Variants in CEP128 observed in about 807,000 individuals in gnomAD.
CEP128 encodes the protein centrosomal protein 128kDa.
Under a neutral mutation model 156.7 loss-of-function variants are expected in CEP128, and 132 were observed. The ratio of observed to expected loss-of-function variants is 0.84; its 90% CI spans 0.73 to 0.97. The LOEUF (loss-of-function observed/expected upper bound fraction) is 0.97. Among genes scored for constraint, CEP128 ranks in the 50% least tolerant of loss-of-function variants. The probability of loss-of-function intolerance (pLI) is 0.00; values close to 1 mark genes in which losing one functional copy is unlikely to be tolerated. For synonymous variants in CEP128, 469 were observed against 448.9 expected (o/e 1.04, Z -0.57); for missense variants, 1,252 against 1,281.9 (o/e 0.98, Z 0.36).
chr14:80,841,772 T>A (rs947314562), intron 9 of CEP128, among the ~76,000 whole-genome samples: 2 of 152,010 alleles, frequency 1.3e-5, no homozygotes, highest in African/African-American at 4.8e-5. Flanking sequence ...TCTTAACAAC[T>A]GAGGGCACTG....
chr14:80,761,571 C>G lies in CEP128; in HGVS notation c.2419G>C (p.Glu807Gln), dbSNP rs377022081. The G allele has an allele frequency of 1.2e-6, 2 of 1,611,684 alleles. No homozygotes were observed. The highest frequency in any genetic ancestry group is 2.7e-5 in the African/African-American group (2 of 74,894). ...TCCTTGAGCTGCAATCTGGCCTCTT[C>G]CATCCTCCTTAAGTGCTCCTCTTCA... ...SIEEEHLRRMEEARLQLKDQL... is the reference protein window; with the variant it reads ...SIEEEHLRRMQEARLQLKDQL... Residue 807 changes from glutamate to glutamine, a missense_variant, in exon 17 of 25, where the codon GAA (glutamate) becomes CAA (glutamine). Glu to Gln is a conservative substitution (Grantham distance 29). Coordinates refer to ENST00000555265, the MANE Select transcript of CEP128 (RefSeq NM_152446.5).
intron 19 of CEP128, among the ~76,000 whole-genome samples, chr14:80,590,333 A>T (rs1891997361): frequency 6.6e-6 from 1 of 152,188 alleles, no homozygotes; most frequent in Non-Finnish European, 1.5e-5. Context: ...ACCAAAGGAA[A>T]AGAACAAGTC....
At chr14:80,600,842 A>C (rs1892550597) in intron 19 of CEP128, among the ~76,000 whole-genome samples, 1 of 152,158 alleles carries the variant, frequency 6.6e-6, no homozygotes, top group Admixed American at 6.5e-5. Context: ...TATATGATAT[A>C]ATCTGTATCA....
At chr14:80,674,344 A>AT (rs1322453260) in intron 19 of CEP128, among the ~76,000 whole-genome samples, 2 of 152,128 alleles carry the variant, frequency 1.3e-5, no homozygotes, top group African/African-American at 4.8e-5. Context: ...CATCATTCTT[A>AT]TTATAGAGAT....
chr14:80,495,792 T>C (rs1222269519), downstream of CEP128, among the ~76,000 whole-genome samples: 1 of 152,198 alleles, frequency 6.6e-6, no homozygotes, highest in Admixed American at 6.5e-5. Context: ...CATTTATCCA[T>C]AGGATTTAAA....
At chr14:80,786,881 G>A (rs978114433) in intron 14 of CEP128, among the ~76,000 whole-genome samples, 4 of 152,136 alleles carry the variant, frequency 2.6e-5, no homozygotes, top group Admixed American at 1.3e-4. Flanking sequence ...GCTCAGGCGG[G>A]AAGATAGCTT....
At chr14:80,624,297 A>G (rs932832253) in intron 19 of CEP128, among the ~76,000 whole-genome samples, 3 of 152,096 alleles carry the variant, frequency 2.0e-5, no homozygotes, top group African/African-American at 7.2e-5. Context: ...TTGTGCATAT[A>G]TAACACATTT....
At chr14:80,857,753 C>CAA (rs1375843689) in intron 9 of CEP128, among the ~76,000 whole-genome samples, 4 of 123,044 alleles carry the variant, frequency 3.3e-5, no homozygotes, top group South Asian at 2.5e-4. Context: ...ACAACAACAA[C>CAA]AACAACAACA....
At chr14:80,894,383 C>T (rs1396857234) in intron 8 of CEP128, among the ~76,000 whole-genome samples, 1 of 151,876 alleles carries the variant, frequency 6.6e-6, no homozygotes, top group African/African-American at 2.4e-5. Flanking sequence ...GGCAATAGCA[C>T]AGATTTCGTA....
intron 19 of CEP128, among the ~76,000 whole-genome samples, chr14:80,677,828 T>G (rs1427026533): frequency 6.6e-6 from 1 of 151,908 alleles, no homozygotes; most frequent in Non-Finnish European, 1.5e-5. Flanking sequence ...TAGATTGGCA[T>G]TAAAACAAGA....
intron 9 of CEP128, among the ~76,000 whole-genome samples, chr14:80,856,748 T>G (rs1887193029): frequency 8.7e-6 from 1 of 115,312 alleles, no homozygotes; most frequent in African/African-American, 3.5e-5. Context: ...TTTTTTTTTT[T>G]GAGACAGGGT....
At chr14:80,830,902 T>G in intron 13 of CEP128, 1 of 417,470 alleles carries the variant, frequency 2.4e-6, no homozygotes, top group Non-Finnish European at 4.2e-6. Context: ...AGTAAAGGAT[T>G]TCTCTGTAAA....
chr14:80,666,076 G>A (rs1165217456), intron 19 of CEP128, among the ~76,000 whole-genome samples: 1 of 152,160 alleles, frequency 6.6e-6, no homozygotes, highest in Non-Finnish European at 1.5e-5. Context: ...ACAACCACCA[G>A]GGTAGTTAAT....
intron 13 of CEP128, chr14:80,830,537 T>C (rs2140040900): frequency 8.6e-6 from 2 of 233,356 alleles, no homozygotes; most frequent in Non-Finnish European, 1.7e-5. Flanking sequence ...TTATGAGGTC[T>C]TTTCCTTTGA....
chr14:80,613,876 A>G (rs1230729273), intron 19 of CEP128, among the ~76,000 whole-genome samples: 4 of 152,214 alleles, frequency 2.6e-5, no homozygotes, highest in African/African-American at 9.6e-5. Flanking sequence ...TGGGCAGGTT[A>G]TATGGAAATA....
chr14:80,568,633 C>T (rs1208528186), intron 20 of CEP128, among the ~76,000 whole-genome samples: 1 of 152,100 alleles, frequency 6.6e-6, no homozygotes, highest in East Asian at 1.9e-4. Context: ...GATGGGGTAG[C>T]TTTTTCTTGC....
intron 19 of CEP128, among the ~76,000 whole-genome samples, chr14:80,602,470 G>A (rs1287440671): frequency 6.6e-6 from 1 of 152,094 alleles, no homozygotes; most frequent in Non-Finnish European, 1.5e-5. Flanking sequence ...CATCAATAAT[G>A]TCTAAATAAA....
At chr14:80,616,542 GA>G (rs1893220601) in intron 19 of CEP128, among the ~76,000 whole-genome samples, 1 of 18,990 alleles carries the variant, frequency 5.3e-5, no homozygotes, top group African/African-American at 1.4e-4. Flanking sequence ...TTTGATATGT[GA>G]ATTATTTTTT....
chr14:80,536,897 A>T (rs1889508422), intron 21 of CEP128, among the ~76,000 whole-genome samples: 1 of 151,504 alleles, frequency 6.6e-6, no homozygotes. Context: ...AAGTGTTTAC[A>T]TGTGTATTGG....
Sources: gnomAD v4.1 joint callset for allele counts (sites outside exome capture counted in the v4.1 genomes callset) on GRCh38, gnomAD v4.1.1 for gene constraint, MANE v1.5 for transcripts, NCBI Gene and HGNC (gene_info 2026-07-23, HGNC 2026-07-21) for gene names.